TUFT1: variants seen among roughly 807,000 people sequenced by gnomAD.
TUFT1 encodes the protein tuftelin 1.
TUFT1 carries 43 observed loss-of-function variants against 57.8 expected under a neutral mutation model. The ratio of observed to expected loss-of-function variants is 0.74; its 90% confidence interval spans 0.58 to 0.96. TUFT1 has a LOEUF of 0.96. TUFT1 is among the 40% of genes least tolerant of loss of function. The pLI is 0.00. For missense variants in TUFT1, 459 were observed against 489.0 expected (o/e 0.94, Z 0.58); for synonymous variants, 166 against 176.7 (o/e 0.94, Z 0.48).
intron 1 of TUFT1, among the ~76,000 whole-genome samples, chr1:151,554,139 G>A (rs1171557707): frequency 2.6e-5 from 4 of 152,180 alleles, no homozygotes; most frequent in African/African-American, 9.7e-5. Flanking sequence ...TTCCCACAAT[G>A]TTAACATCTT....
At chr1:151,557,807 G>A (rs753179443) in intron 1 of TUFT1, 23 of 756,978 alleles carry the variant, frequency 3.0e-5, no homozygotes, top group African/African-American at 1.9e-4. Context: ...GAGGGAAAGC[G>A]GACAGAGATA....
chr1:151,566,318 C>T (rs1666078802), intron 6 of TUFT1, 90 bp downstream of exon 6: 2 of 992,828 alleles, frequency 2.0e-6, no homozygotes, highest in African/African-American at 1.6e-5. Flanking sequence ...TTCTCTCTCT[C>T]TCTCTCTCTC....
chr1:151,574,107 T>C (rs962498900), intron 7 of TUFT1, among the ~76,000 whole-genome samples, 163 bp from the exon 8 acceptor site: 4 of 152,118 alleles, frequency 2.6e-5, no homozygotes, highest in African/African-American at 9.7e-5. Context: ...GCTGAGGTGG[T>C]CCTGTGCAGT....
At chr1:151,540,612 A>G in intron 1 of TUFT1, 186 bp downstream of exon 1, 1 of 641,530 alleles carries the variant, frequency 1.6e-6, no homozygotes, top group Non-Finnish European at 2.7e-6. Context: ...CGGGGTGAAG[A>G]CTCCTTTGAG....
At chr1:151,540,731 G>A (rs1665135232) in intron 1 of TUFT1, 1 of 427,126 alleles carries the variant, frequency 2.3e-6, no homozygotes, top group Non-Finnish European at 4.3e-6. Context: ...GCGTCTTTTG[G>A]GCAGCCACAT....
At chr1:151,573,260 C>T (rs1446415754) in intron 7 of TUFT1, among the ~76,000 whole-genome samples, 1 of 152,046 alleles carries the variant, frequency 6.6e-6, no homozygotes, top group Admixed American at 6.5e-5. Flanking sequence ...GAGGGAAGGC[C>T]GTGTGTTCCT....
At chr1:151,552,023 C>T (rs1173347043) in intron 1 of TUFT1, among the ~76,000 whole-genome samples, 1 of 152,176 alleles carries the variant, frequency 6.6e-6, no homozygotes, top group Non-Finnish European at 1.5e-5. Flanking sequence ...CTACCTCCAC[C>T]TCAAGGGTAA....
rs12409434 is a variant in TUFT1, at chr1:151,576,855, C to T, written c.818+1850C>T. ...GGCCAGGTTGGTCTTGAAATCCTGA[C>T]CTCAAGCAATCTGCCCGCCTTGACC... On this transcript the variant is annotated intron_variant, in intron 9 of 12. Coordinates refer to ENST00000368849, the MANE Select transcript of TUFT1 (RefSeq NM_020127.3). Among the ~76,000 whole-genome samples, 4,456 of 152,214 alleles carry T rather than the reference C, an allele frequency of 0.029. 525 individuals carry two copies. In the East Asian group the frequency reaches 0.33, roughly 11 times the overall value.
intron 1 of TUFT1, among the ~76,000 whole-genome samples, chr1:151,552,862 T>C (rs1665555206): frequency 1.3e-5 from 2 of 152,280 alleles, no homozygotes; most frequent in South Asian, 4.1e-4. Context: ...AAAGCTAGCC[T>C]TACTGAATCA....
intron 1 of TUFT1, among the ~76,000 whole-genome samples, chr1:151,555,548 G>A (rs1480045869): frequency 6.6e-6 from 1 of 151,198 alleles, no homozygotes; most frequent in African/African-American, 2.4e-5. Flanking sequence ...GGAGGCCGAG[G>A]CAGGCAGATC....
At position 151,557,701 on chromosome 1, in the gene TUFT1, CG is replaced by C. The variant is rs1239509484; in HGVS notation, c.61-4388del. The C allele has an allele frequency of 9.8e-5, 80 of 814,624 alleles. 1 individual carries two copies. In the Middle Eastern group the frequency reaches 1.0e-3, roughly 11 times the overall value. The allele number at this position is 814,624 out of a possible 1,614,324, so 50.5% of individuals were successfully genotyped here. A position where few individuals can be genotyped will look rare whatever the true frequency, so the allele number is the denominator to read the frequency against. On this transcript the variant is annotated intron_variant, in intron 1 of 12. Transcript: ENST00000368849. The stretch of plus-strand genomic sequence containing the variant: ...TCTCCGTGATTACCTTCATCTGCCC[CG>C]GAGATTGTGCCTGCCACTCTATGCT...
intron 1 of TUFT1, among the ~76,000 whole-genome samples, chr1:151,555,206 G>C (rs1031009766): frequency 2.0e-5 from 3 of 151,092 alleles, no homozygotes; most frequent in Non-Finnish European, 4.4e-5. Flanking sequence ...GTGCACACCT[G>C]TAATCCCAGC....
chr1:151,577,066 C>A (rs12090862), intron 9 of TUFT1, among the ~76,000 whole-genome samples: 85,396 of 152,004 alleles, frequency 0.56, 26,028 homozygotes, highest in Middle Eastern at 0.71. Context: ...GAGCCACTGC[C>A]CCTGGCCAAC....
At chr1:151,579,324 C>T (rs191240571) in intron 10 of TUFT1, among the ~76,000 whole-genome samples, 148 of 152,188 alleles carry the variant, frequency 9.7e-4, no homozygotes, top group Non-Finnish European at 1.7e-3. Context: ...TCCATTATCT[C>T]GAACAGAGTC....
chr1:151,555,498 G>T (rs1302098192), intron 1 of TUFT1, among the ~76,000 whole-genome samples: 2 of 148,150 alleles, frequency 1.3e-5, no homozygotes, highest in Non-Finnish European at 3.0e-5. Context: ...ATAATTATAG[G>T]TCGGGCATGG....
At chr1:151,571,434 TA>T (rs1304137266) in intron 7 of TUFT1, among the ~76,000 whole-genome samples, 1 of 152,184 alleles carries the variant, frequency 6.6e-6, no homozygotes, top group African/African-American at 2.4e-5. Flanking sequence ...AAATAGTCTA[TA>T]TTTTTCTTAG....
At chr1:151,564,177 A>G (rs1031108085) in intron 4 of TUFT1, among the ~76,000 whole-genome samples, 187 bp downstream of exon 4, 22 of 152,174 alleles carry the variant, frequency 1.4e-4, no homozygotes, top group Admixed American at 1.3e-3. Flanking sequence ...TTAATCCACA[A>G]ATACTTAAGT....
At chr1:151,562,509 C>G in intron 2 of TUFT1, 76 bp from the exon 3 acceptor site, 1 of 1,255,556 alleles carries the variant, frequency 8.0e-7, no homozygotes, top group Non-Finnish European at 1.1e-6. Context: ...AGCTGAGGGG[C>G]AGGAGTTCTG....
intron 5 of TUFT1, among the ~76,000 whole-genome samples, chr1:151,565,619 C>T (rs1438154630): frequency 3.9e-5 from 6 of 152,252 alleles, no homozygotes; most frequent in Non-Finnish European, 7.3e-5. Context: ...CAAAGTCCAG[C>T]CCCCTTGTTT....
Sources: allele counts gnomAD v4.1 joint callset (sites outside exome capture counted in the v4.1 genomes callset), GRCh38; gene constraint gnomAD v4.1.1; transcripts MANE v1.5; gene names NCBI Gene and HGNC (gene_info 2026-07-23, HGNC 2026-07-21).